Variants in PUS7 observed in about 807,000 individuals in gnomAD.
PUS7 encodes pseudouridylate synthase 7 homolog.
In PUS7, 48 loss-of-function variants were observed where a neutral mutation model predicts 79.8. That is an observed-to-expected ratio of 0.60 (90% CI 0.48 to 0.76). The LOEUF (loss-of-function observed/expected upper bound fraction) is 0.76, where lower values mean the gene tolerates loss of function less well. Ranked by LOEUF, PUS7 falls within the 30% of genes least tolerant of loss-of-function variation. The pLI, the probability that PUS7 is intolerant of heterozygous loss-of-function variation, is 0.00. For synonymous variants in PUS7, 286 were observed against 272.2 expected, an observed-to-expected ratio of 1.05 and a Z score of -0.50; for missense variants, 729 against 797.6, an observed-to-expected ratio of 0.91 and a Z score of 1.04.
Position 105,508,372 on chromosome 7 carries a change from T to A in PUS7, c.141A>T (p.Leu47=). The change falls in exon 2 of 16, where the codon CTA becomes CTT. Residue 47 remains leucine, a synonymous_variant. Coordinates refer to ENST00000469408, the MANE Select transcript of PUS7 (RefSeq NM_019042.5). ...ECSLTKGQDG[L]QNDFLSISED... is the part of the protein sequence containing the mutation. ...CACTGATGGACAGAAAGTCATTCTG[T>A]AGCCCATCTTGACCTTTGGTTAGAC... The A allele has an allele frequency of 4.3e-6, 7 of 1,614,132 alleles. No homozygotes were observed. In the South Asian group the frequency reaches 7.7e-5, roughly 18 times the overall value.
At chr7:105,513,738 T>C (rs911640095) in intron 1 of PUS7, among the ~76,000 whole-genome samples, 2 of 142,520 alleles carry the variant, frequency 1.4e-5, no homozygotes, top group Admixed American at 7.1e-5. Flanking sequence ...CTCGGGAGGC[T>C]GAGGCAGGAG....
Position 105,506,217 on chromosome 7 carries a change from T to A in PUS7, c.455A>T (p.Asn152Ile). The A allele has an allele frequency of 6.2e-7, 1 of 1,613,504 alleles. No individual in the cohort carries two copies. The highest frequency in any genetic ancestry group is 8.5e-7 in the Non-Finnish European group (1 of 1,179,772). ...IGKDGRISHL[N>I]DLSIPVDEED... is the part of the protein sequence containing the mutation. ...CTCATCCACTGGAATGGACAAGTCATTCAAATGGCTGATCCGTCCATCTTT... is the reference window on the plus strand; with the variant it reads ...CTCATCCACTGGAATGGACAAGTCAATCAAATGGCTGATCCGTCCATCTTT... Residue 152 changes from asparagine (N) to isoleucine (I), a missense_variant, in exon 3 of 16, where the codon AAT becomes ATT. Asn to Ile is a moderately radical substitution (Grantham distance 149). Transcript: ENST00000469408.
chr7:105,460,199 A>G (rs1273221860), intron 14 of PUS7, among the ~76,000 whole-genome samples: 2 of 152,078 alleles, frequency 1.3e-5, no homozygotes, highest in East Asian at 3.9e-4. Context: ...CGGCCTCCCA[A>G]AGTGCTGGGA....
At chr7:105,462,476 T>G in intron 14 of PUS7, 145 bp downstream of exon 14, 1 of 898,804 alleles carries the variant, frequency 1.1e-6, no homozygotes, top group Non-Finnish European at 1.7e-6. Flanking sequence ...AAATATGGTG[T>G]TATAATCTTA....
intron 1 of PUS7, among the ~76,000 whole-genome samples, chr7:105,521,234 G>C (rs577475061): frequency 2.0e-5 from 3 of 147,182 alleles, no homozygotes; most frequent in Non-Finnish European, 3.1e-5. Context: ...GCTTGGGGAT[G>C]GGGGGGAGGG....
chr7:105,468,254 T>C (rs1227239448), intron 12 of PUS7, 83 bp downstream of exon 12: 1 of 1,517,950 alleles, frequency 6.6e-7, no homozygotes, highest in Admixed American at 2.1e-5. Flanking sequence ...TCTTAATTAA[T>C]AGCCAGGATG....
chr7:105,490,867 G>A (rs1440307798), intron 7 of PUS7, among the ~76,000 whole-genome samples: 1 of 152,194 alleles, frequency 6.6e-6, no homozygotes, highest in African/African-American at 2.4e-5. Context: ...GACATTCTTT[G>A]CTATCATAAC....
chr7:105,514,180 G>A (rs1205290737), intron 1 of PUS7, among the ~76,000 whole-genome samples: 3 of 135,680 alleles, frequency 2.2e-5, no homozygotes, highest in East Asian at 2.2e-4. Context: ...GCGGTGAGCC[G>A]AGATTGTGCC....
intron 1 of PUS7, among the ~76,000 whole-genome samples, chr7:105,521,797 G>C (rs866381604): frequency 1.5e-4 from 22 of 151,520 alleles, no homozygotes; most frequent in African/African-American, 4.4e-4. Flanking sequence ...ACGACTGGCC[G>C]GGCAGAGCGG....
intron 12 of PUS7, among the ~76,000 whole-genome samples, chr7:105,467,034 GTTTTT>G (rs56177512): frequency 2.0e-4 from 14 of 70,694 alleles, no homozygotes; most frequent in African/African-American, 4.8e-4. Flanking sequence ...AGTTTTTTCT[GTTTTT>G]TTTTTTTTTT....
chr7:105,461,880 A>AC (rs1226960592), intron 14 of PUS7, among the ~76,000 whole-genome samples: 1 of 152,178 alleles, frequency 6.6e-6, no homozygotes, highest in Admixed American at 6.5e-5. Context: ...GTGCATCTAA[A>AC]CATAGAAAAG....
intron 13 of PUS7, among the ~76,000 whole-genome samples, chr7:105,463,394 C>G (rs11772023): frequency 0.018 from 2,776 of 152,312 alleles, 40 homozygotes; most frequent in Middle Eastern, 0.051. Flanking sequence ...GTCATAAGTA[C>G]TGGATCTTTC....
At chr7:105,506,918 A>G (rs932313450) in intron 2 of PUS7, among the ~76,000 whole-genome samples, 7 of 152,236 alleles carry the variant, frequency 4.6e-5, no homozygotes, top group African/African-American at 1.7e-4. Context: ...GGTTAATTGA[A>G]TCAGAACCCA....
chr7:105,482,392 A>G lies in PUS7; in HGVS notation c.969T>C (p.Phe323=), dbSNP rs931638651. The stretch of plus-strand genomic sequence containing the variant: ...TTTGATAGCTGAAATTCCCTAGCTT[A>G]AAGTTCATCAAGCACTTATTCAGGT... ...LAHLNKCLMN[F]KLGNFSYQKN... Residue 323 remains phenylalanine (F), a synonymous_variant, in exon 8 of 16, where the codon TTT becomes TTC. Transcript: ENST00000469408. 1.9e-6 allele frequency: 3 copies of G among 1,612,318 alleles called. No homozygotes were observed. The highest frequency in any genetic ancestry group is 2.7e-5 in the African/African-American group (2 of 74,786).
chr7:105,495,319 T>C (rs953204897), intron 5 of PUS7, 66 bp from the exon 6 acceptor site: 17 of 919,842 alleles, frequency 1.8e-5, no homozygotes, highest in African/African-American at 1.2e-4. Flanking sequence ...GAGCTCATTT[T>C]TCGCTATAGA....
intron 1 of PUS7, among the ~76,000 whole-genome samples, chr7:105,520,342 C>A (rs1283413666): frequency 3.3e-5 from 5 of 151,966 alleles, no homozygotes; most frequent in Admixed American, 2.0e-4. Flanking sequence ...GCCTGTAGTC[C>A]CAGCTACTCG....
intron 12 of PUS7, 78 bp from the exon 13 acceptor site, chr7:105,465,492 A>G: frequency 9.3e-7 from 1 of 1,078,954 alleles, no homozygotes; most frequent in East Asian, 2.5e-5. Context: ...AATTATATAC[A>G]TCTAAGCAAG....
chr7:105,489,940 G>A (rs917370929), intron 7 of PUS7, among the ~76,000 whole-genome samples: 5 of 151,976 alleles, frequency 3.3e-5, no homozygotes, highest in Admixed American at 1.3e-4. Flanking sequence ...CCAACATGGC[G>A]AAACTCCATC....
In PUS7 at chr7:105,501,954, CAA is replaced by C. The variant is rs1260361044; in HGVS notation, c.730+464_730+465del. On this transcript the variant is annotated intron_variant, in intron 5 of 15. Coordinates refer to ENST00000469408, the MANE Select transcript of PUS7 (RefSeq NM_019042.5). ...TGGGCGACAGGGCGAGACTCCGTCT[CAA>C]AAAAAAAAAAAAAATATATATATAT... 2.1e-3 allele frequency among the ~76,000 whole-genome samples: 261 copies of C among 124,242 alleles called. 1 individual carries two copies. The highest frequency in any genetic ancestry group is 8.1e-3 in the Middle Eastern group (2 of 246). 81.5% of individuals were successfully genotyped at this position (124,242 alleles called of 152,430 possible). A position where few individuals can be genotyped will look rare whatever the true frequency, so the allele number is the denominator to read the frequency against.
Sources: gnomAD v4.1 joint callset for allele counts (sites outside exome capture counted in the v4.1 genomes callset) on GRCh38, gnomAD v4.1.1 for gene constraint, MANE v1.5 for transcripts, NCBI Gene and HGNC (gene_info 2026-07-23, HGNC 2026-07-21) for gene names.